The following AFG1L variants were observed in gnomAD, a reference collection of about 807,000 sequenced individuals.
The protein encoded by AFG1L is AFG1 like ATPase.
A neutral mutation model predicts 62.2 loss-of-function variants in AFG1L; 53 were observed. The observed-to-expected ratio is 0.85, with a 90% CI of 0.68 to 1.07. AFG1L has a LOEUF of 1.07. AFG1L is among the 50% of genes least tolerant of loss of function. The probability of loss-of-function intolerance (pLI) is 0.00; values close to 1 mark genes in which losing one functional copy is unlikely to be tolerated. For synonymous variants in AFG1L, 228 were observed against 210.3 expected (o/e 1.08, Z -0.73); for missense variants, 555 against 590.5 (o/e 0.94, Z 0.62).
At chr6:108,453,447 A>G (rs1210347677) in intron 8 of AFG1L, among the ~76,000 whole-genome samples, 1 of 152,232 alleles carries the variant, frequency 6.6e-6, no homozygotes, top group Non-Finnish European at 1.5e-5. Flanking sequence ...TTTGGAGAAT[A>G]TAACTTTGAA....
Position 108,355,643 on chromosome 6 carries a change from T to A in AFG1L, c.416-11T>A. 6.6e-7 allele frequency: 1 copy of A among 1,521,706 alleles called. No homozygotes were observed. The highest frequency in any genetic ancestry group is 9.0e-7 in the Non-Finnish European group (1 of 1,115,824). The allele number at this position is 1,521,706 out of a possible 1,614,324, so 94.3% of individuals were successfully genotyped here. A position where few individuals can be genotyped will look rare whatever the true frequency, so the allele number is the denominator to read the frequency against. ...TTTAATAGTATTCTTAAAATTTTTT[T>A]TATTTTTAAGGTACAGGAAAAACAA... On this transcript the variant is annotated splice_polypyrimidine_tract_variant and intron_variant, in intron 3 of 12. Coordinates refer to ENST00000368977, the MANE Select transcript of AFG1L (RefSeq NM_145315.5).
intron 5 of AFG1L, among the ~76,000 whole-genome samples, chr6:108,361,114 C>G (rs1779508894): frequency 6.6e-6 from 1 of 152,246 alleles, no homozygotes; most frequent in South Asian, 2.1e-4. Flanking sequence ...GCCTGGTTGT[C>G]TGACCCATGA....
chr6:108,349,410 G>T (rs1462920410), intron 3 of AFG1L, among the ~76,000 whole-genome samples: 5 of 152,204 alleles, frequency 3.3e-5, no homozygotes, highest in African/African-American at 1.2e-4. Flanking sequence ...CTTGAGCCTA[G>T]GAGGTCAAGG....
At chr6:108,391,057 C>T (rs772173983) in intron 6 of AFG1L, among the ~76,000 whole-genome samples, 14 of 152,126 alleles carry the variant, frequency 9.2e-5, no homozygotes, top group Non-Finnish European at 1.5e-4. Flanking sequence ...TTTGCAATTG[C>T]GAATTGTGCT....
chr6:108,308,689 A>ATTTAT (rs1777295930), intron 1 of AFG1L, among the ~76,000 whole-genome samples: 2 of 151,296 alleles, frequency 1.3e-5, no homozygotes, highest in Admixed American at 6.6e-5. Context: ...TCTAAATTTT[A>ATTTAT]TTTATTTTAT....
intron 10 of AFG1L, among the ~76,000 whole-genome samples, chr6:108,509,278 C>A (rs527965872): frequency 3.9e-5 from 6 of 152,324 alleles, no homozygotes; most frequent in Non-Finnish European, 8.8e-5. Flanking sequence ...ATACTCTCCT[C>A]GTATCAGGAG....
chr6:108,427,517 A>AT (rs34500468), intron 7 of AFG1L, among the ~76,000 whole-genome samples: 1,570 of 100,250 alleles, frequency 0.016, 26 homozygotes, highest in East Asian at 0.026. Flanking sequence ...TCAAAATGGA[A>AT]TTTTTTTTTT....
intron 2 of AFG1L, among the ~76,000 whole-genome samples, chr6:108,335,464 C>T (rs1778442284): frequency 6.6e-6 from 1 of 152,070 alleles, no homozygotes; most frequent in Non-Finnish European, 1.5e-5. Context: ...TGCCTATATC[C>T]ACGTATGTCT....
At chr6:108,392,378 A>G (rs1218086959) in intron 6 of AFG1L, among the ~76,000 whole-genome samples, 1 of 152,182 alleles carries the variant, frequency 6.6e-6, no homozygotes, top group Non-Finnish European at 1.5e-5. Flanking sequence ...TATAAGTTAT[A>G]TATGGAACAT....
intron 6 of AFG1L, among the ~76,000 whole-genome samples, chr6:108,385,966 T>G (rs1417538661): frequency 6.6e-6 from 1 of 151,938 alleles, no homozygotes; most frequent in Non-Finnish European, 1.5e-5. Flanking sequence ...TAGAAAAAAT[T>G]AGCTGGTGTG....
At chr6:108,323,368 A>AT (rs1337338810) in intron 1 of AFG1L, among the ~76,000 whole-genome samples, 1,942 of 152,026 alleles carry the variant, frequency 0.013, 39 homozygotes, top group African/African-American at 0.044. Flanking sequence ...TCATTGTTTA[A>AT]TTATTTTTTT....
At chr6:108,403,589 A>G (rs1206128771) in intron 7 of AFG1L, among the ~76,000 whole-genome samples, 4 of 152,140 alleles carry the variant, frequency 2.6e-5, no homozygotes, top group Non-Finnish European at 5.9e-5. Flanking sequence ...TAGGGAGGAC[A>G]TAGACTTGCA....
chr6:108,333,381 C>T (rs1292539078), intron 2 of AFG1L, among the ~76,000 whole-genome samples: 1 of 151,208 alleles, frequency 6.6e-6, no homozygotes, highest in East Asian at 2.0e-4. Context: ...TGCACTCCAG[C>T]CTGGGTGACA....
At chr6:108,417,719 C>T (rs1258420605) in intron 7 of AFG1L, among the ~76,000 whole-genome samples, 5 of 152,072 alleles carry the variant, frequency 3.3e-5, no homozygotes, top group African/African-American at 9.7e-5. Context: ...TAAGTCTGTA[C>T]TTTAACTTGA....
At chr6:108,375,611 A>C (rs543301257) in intron 6 of AFG1L, among the ~76,000 whole-genome samples, 1 of 152,270 alleles carries the variant, frequency 6.6e-6, no homozygotes, top group Non-Finnish European at 1.5e-5. Context: ...AATTCTGTCT[A>C]TGTGGTGAAT....
rs980926713 is a variant in AFG1L, at chr6:108,523,775, G to C, written c.*1350G>C. On this transcript the variant is annotated 3_prime_UTR_variant, in exon 13 of 13. Transcript: ENST00000368977. ...GATATTAACCTAATTAAGGCAAGCA[G>C]GTAGATGGATGAGTACCCAAGCCGA... 9 of 152,030 alleles carry C rather than the reference G, an allele frequency of 5.9e-5. No individual in the cohort carries two copies. Among genetic ancestry groups the C allele is most frequent in the Non-Finnish European group, 1.2e-4 (8 of 68,026 alleles). 9.4% of individuals were successfully genotyped at this position (152,030 alleles called of 1,614,324 possible). A position where few individuals can be genotyped will look rare whatever the true frequency, so the allele number is the denominator to read the frequency against.
intron 1 of AFG1L, among the ~76,000 whole-genome samples, chr6:108,322,000 A>G (rs1777828388): frequency 6.6e-6 from 1 of 152,112 alleles, no homozygotes; most frequent in Non-Finnish European, 1.5e-5. Context: ...CTCCTACCTC[A>G]GCCTCCCCAA....
intron 5 of AFG1L, chr6:108,359,023 TA>T (rs1779414168): frequency 6.6e-6 from 1 of 152,224 alleles, no homozygotes; most frequent in Non-Finnish European, 1.5e-5. Context: ...AAGAAAATAT[TA>T]TAATTTCTTT....
intron 7 of AFG1L, among the ~76,000 whole-genome samples, chr6:108,430,135 A>G (rs1413000975): frequency 2.0e-5 from 3 of 152,058 alleles, no homozygotes; most frequent in Non-Finnish European, 4.4e-5. Context: ...TTTAGTAGAG[A>G]TAGGATTTCA....
Sources: allele counts gnomAD v4.1 joint callset (sites outside exome capture counted in the v4.1 genomes callset), GRCh38; gene constraint gnomAD v4.1.1; transcripts MANE v1.5; gene names NCBI Gene and HGNC (gene_info 2026-07-23, HGNC 2026-07-21).